Variants in EYS observed in about 807,000 individuals in gnomAD.
EYS encodes the protein EGF-like photoreceptor maintenance factor.
A neutral mutation model predicts 282.1 loss-of-function variants in EYS; 250 were observed. The ratio of observed to expected loss-of-function variants is 0.89; its 90% confidence interval spans 0.80 to 0.98. The LOEUF (loss-of-function observed/expected upper bound fraction) is 0.98. Ranked by LOEUF, EYS falls within the 50% of genes least tolerant of loss-of-function variation. EYS has a pLI of 0.00. For synonymous variants in EYS, 1,355 were observed against 1,282.9 expected (o/e 1.06, Z -1.20); for missense variants, 4,016 against 3,709.0 (o/e 1.08, Z -2.15).
chr6:64,584,573 GA>G (rs1269010766), intron 26 of EYS, among the ~76,000 whole-genome samples: 3 of 148,984 alleles, frequency 2.0e-5, no homozygotes, highest in Middle Eastern at 3.5e-3. Flanking sequence ...ACTACAATTG[GA>G]AAAAAAAAGA....
At chr6:63,900,544 G>T (rs1447810673) in intron 35 of EYS, among the ~76,000 whole-genome samples, 3 of 152,140 alleles carry the variant, frequency 2.0e-5, no homozygotes, top group Non-Finnish European at 4.4e-5. Context: ...GAAGTCCCAG[G>T]TCACTCACCT....
chr6:65,139,981 C>T (rs1298969417), intron 12 of EYS, among the ~76,000 whole-genome samples: 1 of 151,942 alleles, frequency 6.6e-6, no homozygotes, highest in Admixed American at 6.6e-5. Context: ...AATACTATAT[C>T]TAAAATGTCC....
rs755752918 is a variant in EYS, at chr6:65,494,920, C to T, written c.491G>A (p.Arg164Gln). 3 of 1,614,048 alleles carry T rather than the reference C, an allele frequency of 1.9e-6. No homozygotes were observed. Among genetic ancestry groups the T allele is most frequent in the Non-Finnish European group, 2.5e-6 (3 of 1,179,994 alleles). The stretch of plus-strand genomic sequence containing the variant: ...CTGCTGTTTCACTGTCACATTTAGT[C>T]GAAGTCCCAGTGGACAAGGTGATGG... ...SGPSPCPLGL[R>Q]LNVTVKQQFC... The change falls in exon 4 of 43, where the codon CGA (arginine) becomes CAA (glutamine). Residue 164 changes from arginine (R) to glutamine (Q), a missense_variant. By Grantham distance (43) the Arg-to-Gln change is conservative. Transcript: ENST00000503581.
At chr6:64,664,866 G>T (rs1393911436) in intron 22 of EYS, among the ~76,000 whole-genome samples, 1 of 152,148 alleles carries the variant, frequency 6.6e-6, no homozygotes, top group African/African-American at 2.4e-5. Context: ...TTGTTTACAA[G>T]CCGTCCAGTT....
chr6:65,686,580 G>A (rs1769022815), intron 1 of EYS, among the ~76,000 whole-genome samples: 1 of 152,084 alleles, frequency 6.6e-6, no homozygotes, highest in South Asian at 2.1e-4. Flanking sequence ...CATAAATGGG[G>A]AGAACAGGAG....
intron 19 of EYS, among the ~76,000 whole-genome samples, chr6:64,853,775 G>C (rs1765959812): frequency 1.3e-5 from 2 of 152,212 alleles, no homozygotes; most frequent in Admixed American, 6.5e-5. Context: ...AAACTAAAGA[G>C]CTTCTGCACA....
At chr6:65,313,708 T>C (rs1261447328) in intron 11 of EYS, among the ~76,000 whole-genome samples, 1 of 152,180 alleles carries the variant, frequency 6.6e-6, no homozygotes, top group African/African-American at 2.4e-5. Context: ...AGCAAACACC[T>C]GGCCCAGGCC....
At chr6:64,340,198 AAAAG>A (rs368609312) in intron 29 of EYS, among the ~76,000 whole-genome samples, 12 of 151,686 alleles carry the variant, frequency 7.9e-5, no homozygotes, top group South Asian at 4.1e-4. Context: ...TGTAAAAAAA[AAAAG>A]AAAGAAAGAA....
chr6:64,296,856 G>A (rs952234709), intron 30 of EYS, among the ~76,000 whole-genome samples: 4 of 151,922 alleles, frequency 2.6e-5, no homozygotes, highest in Non-Finnish European at 1.5e-5. Flanking sequence ...CCAACTGCCT[G>A]GGCCTCCCAA....
At chr6:64,419,533 C>T (rs1392756864) in intron 28 of EYS, among the ~76,000 whole-genome samples, 1 of 152,144 alleles carries the variant, frequency 6.6e-6, no homozygotes, top group African/African-American at 2.4e-5. Flanking sequence ...TGCCTATGAG[C>T]CTATAAAATC....
chr6:64,480,194 G>C (rs1466255804), intron 26 of EYS, among the ~76,000 whole-genome samples: 1 of 151,842 alleles, frequency 6.6e-6, no homozygotes, highest in Non-Finnish European at 1.5e-5. Context: ...TTTGAAGTCT[G>C]ATATCTTATA....
In EYS at chr6:63,748,988, T is replaced by G. The variant is rs559299981; in HGVS notation, c.8071+13473A>C. On this transcript the variant is annotated intron_variant, in intron 41 of 42. Transcript: ENST00000503581. The stretch of plus-strand genomic sequence containing the variant: ...TTTTTTGTGTCTCAATCTCCTTCAG[T>G]TCAGCTCTGATTTTGGTTATTTCTT... Among the ~76,000 whole-genome samples, 25 of 152,332 alleles carry G rather than the reference T, an allele frequency of 1.6e-4. No homozygotes were observed. In the South Asian group the frequency reaches 5.0e-3, roughly 30 times the overall value.
At chr6:65,529,532 C>G (rs1041971709) in intron 2 of EYS, among the ~76,000 whole-genome samples, 2 of 152,160 alleles carry the variant, frequency 1.3e-5, no homozygotes, top group South Asian at 4.1e-4. Context: ...CTGTCTATTA[C>G]TCCCCCTGAA....
rs571341859 is a variant in EYS at position 64,573,391 on chromosome 6, C to A, written c.5644+16832G>T. On this transcript the variant is annotated intron_variant, in intron 26 of 42. Transcript: ENST00000503581. ...GGGCAAAGACTTCATGACTAAAACA[C>A]CAAAAACAATGACAACAAAAGCCAA... Among the ~76,000 whole-genome samples the A allele has an allele frequency of 7.2e-5, 11 of 152,192 alleles. No individual in the cohort carries two copies. In the South Asian group the frequency reaches 1.7e-3, roughly 23 times the overall value.
intron 2 of EYS, among the ~76,000 whole-genome samples, chr6:65,524,859 G>C (rs1767498526): frequency 6.6e-6 from 1 of 152,196 alleles, no homozygotes; most frequent in South Asian, 2.1e-4. Context: ...AGTGTCTCAT[G>C]TTATTAACTT....
intron 26 of EYS, among the ~76,000 whole-genome samples, chr6:64,473,666 T>C (rs1019807544): frequency 4.6e-5 from 7 of 152,188 alleles, no homozygotes; most frequent in African/African-American, 1.7e-4. Flanking sequence ...TTTTGATAGA[T>C]GTTAGAATGA....
chr6:63,791,813 G>A (rs1287256808), intron 37 of EYS, among the ~76,000 whole-genome samples: 1 of 152,068 alleles, frequency 6.6e-6, no homozygotes, highest in Non-Finnish European at 1.5e-5. Flanking sequence ...GTAATGTTGA[G>A]GATAGAATAT....
intron 5 of EYS, among the ~76,000 whole-genome samples, chr6:65,422,106 G>A (rs1468412369): frequency 6.6e-6 from 1 of 151,902 alleles, no homozygotes; most frequent in Non-Finnish European, 1.5e-5. Flanking sequence ...TATCTGTGAA[G>A]CACATTACAG....
chr6:64,977,659 C>A (rs1236240262), intron 14 of EYS, among the ~76,000 whole-genome samples: 2 of 132,862 alleles, frequency 1.5e-5, no homozygotes, highest in African/African-American at 2.8e-5. Flanking sequence ...GTAAGCCAAG[C>A]TGTGAATGAA....
Sources: gnomAD v4.1 joint callset for allele counts (sites outside exome capture counted in the v4.1 genomes callset) on GRCh38, gnomAD v4.1.1 for gene constraint, MANE v1.5 for transcripts, NCBI Gene and HGNC (gene_info 2026-07-23, HGNC 2026-07-21) for gene names.